The following BMPR1B variants were observed in gnomAD, a reference collection of about 807,000 sequenced individuals.
The protein encoded by BMPR1B is bone morphogenetic protein receptor type-1B.
In BMPR1B, 12 loss-of-function variants were observed where a neutral mutation model predicts 59.1. The observed-to-expected ratio is 0.20, with a 90% CI of 0.13 to 0.33. The LOEUF (loss-of-function observed/expected upper bound fraction) is 0.33, where lower values mean the gene tolerates loss of function less well. Among genes scored for constraint, BMPR1B ranks in the 10% least tolerant of loss-of-function variants. The pLI is 1.00. For missense variants in BMPR1B, 550 were observed against 610.9 expected, an observed-to-expected ratio of 0.90 and a Z score of 1.05; for synonymous variants, 237 against 207.3, an observed-to-expected ratio of 1.14 and a Z score of -1.23.
In BMPR1B at chr4:95,011,551, A is replaced by T. The variant is rs983613422; in HGVS notation, c.-18+15417A>T. 3.3e-5 allele frequency among the ~76,000 whole-genome samples: 5 copies of T among 152,292 alleles called. No homozygotes were observed. The East Asian group carries it at 9.7e-4, about 29-fold the overall frequency. ...AGGCAGCAGGAAAGAAGTGGATGTG[A>T]GTGACAGACATATCCATATACCTCC... On this transcript the variant is annotated intron_variant, in intron 3 of 12. Transcript: ENST00000515059.
intron 2 of BMPR1B, among the ~76,000 whole-genome samples, chr4:94,954,831 A>G (rs1362722150): frequency 1.3e-5 from 2 of 152,182 alleles, no homozygotes; most frequent in African/African-American, 2.4e-5. Flanking sequence ...TGAACACCCA[A>G]TATATATTAG....
rs1336917072 is a variant in BMPR1B, at chr4:94,758,042, A to C, written c.-209A>C. 6.8e-6 allele frequency: 1 copy of C among 147,060 alleles called. No individual in the cohort carries two copies. The highest frequency in any genetic ancestry group is 1.5e-5 in the Non-Finnish European group (1 of 65,976). The allele number at this position is 147,060 out of a possible 1,614,324, so 9.1% of individuals were successfully genotyped here. On this transcript the variant is annotated 5_prime_UTR_variant, in exon 1 of 13. Coordinates refer to ENST00000515059, the MANE Select transcript of BMPR1B (RefSeq NM_001203.3). ...CAGTGCGGAGACCGCGGCGCTGAGG[A>C]CGCGGGAGCCGGGAGCGCAGCCGCG...
At position 95,071,390 on chromosome 4, in the gene BMPR1B, G is replaced by C. The variant is rs1350944566; in HGVS notation, c.-17-33018G>C. 3.3e-5 allele frequency among the ~76,000 whole-genome samples: 5 copies of C among 152,098 alleles called. No homozygotes were observed. In the East Asian group the frequency reaches 9.7e-4, roughly 29 times the overall value. ...ACTAAATTAAAACAAAAATCACTCT[G>C]TCTGATCAGTAATCATCTCTTAGTT... On this transcript the variant is annotated intron_variant, in intron 3 of 12. Coordinates refer to ENST00000515059, the MANE Select transcript of BMPR1B (RefSeq NM_001203.3).
At chr4:94,936,069 G>A (rs988370595) in intron 2 of BMPR1B, among the ~76,000 whole-genome samples, 3 of 152,030 alleles carry the variant, frequency 2.0e-5, no homozygotes, top group Non-Finnish European at 4.4e-5. Flanking sequence ...TTGTATAAAC[G>A]ATAAAGTCAG....
intron 2 of BMPR1B, among the ~76,000 whole-genome samples, chr4:94,978,239 A>G (rs997558609): frequency 6.6e-6 from 1 of 152,234 alleles, no homozygotes; most frequent in African/African-American, 2.4e-5. Flanking sequence ...AAAACTTAGT[A>G]GATTAAAACA....
intron 4 of BMPR1B, among the ~76,000 whole-genome samples, chr4:95,110,168 G>A (rs1731528143): frequency 6.6e-6 from 1 of 151,820 alleles, no homozygotes; most frequent in South Asian, 2.1e-4. Context: ...GATTTATCAG[G>A]CTTGCTATAT....
intron 8 of BMPR1B, among the ~76,000 whole-genome samples, chr4:95,127,394 A>G (rs1197821564): frequency 2.0e-5 from 3 of 152,148 alleles, no homozygotes; most frequent in East Asian, 3.8e-4. Context: ...TCTTTGGGAT[A>G]AGTTGTTCCT....
At chr4:94,798,219 G>A (rs868383315) in intron 1 of BMPR1B, among the ~76,000 whole-genome samples, 2 of 152,164 alleles carry the variant, frequency 1.3e-5, no homozygotes, top group Non-Finnish European at 2.9e-5. Context: ...TATATTATGT[G>A]CTTGGATTCT....
chr4:94,828,290 G>A (rs1367066872), intron 1 of BMPR1B, among the ~76,000 whole-genome samples: 1 of 152,144 alleles, frequency 6.6e-6, no homozygotes, highest in African/African-American at 2.4e-5. Flanking sequence ...AGTGAACAGT[G>A]CCTGATCTGA....
intron 2 of BMPR1B, among the ~76,000 whole-genome samples, chr4:94,935,726 T>C (rs1212393279): frequency 6.6e-6 from 1 of 152,346 alleles, no homozygotes; most frequent in Non-Finnish European, 1.5e-5. Flanking sequence ...CATTCAGTTA[T>C]TGCCAGCCAC....
intron 1 of BMPR1B, among the ~76,000 whole-genome samples, chr4:94,856,613 A>G (rs947516422): frequency 2.0e-5 from 3 of 152,208 alleles, no homozygotes; most frequent in Admixed American, 2.0e-4. Flanking sequence ...AGTCACTGAG[A>G]ACTGGGCTTC....
At chr4:95,052,472 G>T (rs889613772) in intron 3 of BMPR1B, among the ~76,000 whole-genome samples, 1 of 152,186 alleles carries the variant, frequency 6.6e-6, no homozygotes, top group Admixed American at 6.5e-5. Context: ...TGCAAAGAGG[G>T]AGTTATAGAG....
At chr4:95,127,856 T>C (rs1733017925) in intron 8 of BMPR1B, among the ~76,000 whole-genome samples, 1 of 151,540 alleles carries the variant, frequency 6.6e-6, no homozygotes, top group South Asian at 2.1e-4. Flanking sequence ...ATATATAATG[T>C]CCCCCCAAAA....
At chr4:94,932,697 A>G (rs1249022703) in intron 2 of BMPR1B, among the ~76,000 whole-genome samples, 3 of 152,170 alleles carry the variant, frequency 2.0e-5, no homozygotes, top group African/African-American at 4.8e-5. Context: ...GGCATTTTAC[A>G]ACACATCACA....
chr4:94,915,776 A>G (rs908784800), intron 2 of BMPR1B, among the ~76,000 whole-genome samples: 6 of 152,164 alleles, frequency 3.9e-5, no homozygotes, highest in Admixed American at 2.0e-4. Context: ...AAGCTTTAAT[A>G]TAGTTTGGAT....
intron 1 of BMPR1B, among the ~76,000 whole-genome samples, chr4:94,804,148 G>T (rs1161404186): frequency 6.6e-6 from 1 of 152,176 alleles, no homozygotes. Context: ...AAAGTGCTGG[G>T]ATTACAGGCG....
intron 1 of BMPR1B, among the ~76,000 whole-genome samples, chr4:94,822,429 G>A (rs1286469296): frequency 1.3e-5 from 2 of 152,140 alleles, no homozygotes; most frequent in East Asian, 1.9e-4. Context: ...GACATATTTC[G>A]TGATGGTTGG....
At chr4:95,066,734 C>A (rs1404916885) in intron 3 of BMPR1B, among the ~76,000 whole-genome samples, 2 of 152,152 alleles carry the variant, frequency 1.3e-5, no homozygotes, top group Non-Finnish European at 2.9e-5. Flanking sequence ...ATTATTGGGT[C>A]TCAACTAAAA....
intron 11 of BMPR1B, among the ~76,000 whole-genome samples, chr4:95,151,735 C>T (rs577728023): frequency 1.5e-4 from 23 of 152,148 alleles, no homozygotes; most frequent in Admixed American, 3.9e-4. Context: ...GCCAACTTGA[C>T]GGCATCATCT....
Sources: allele counts gnomAD v4.1 joint callset (sites outside exome capture counted in the v4.1 genomes callset), GRCh38; gene constraint gnomAD v4.1.1; transcripts MANE v1.5; gene names NCBI Gene and HGNC (gene_info 2026-07-23, HGNC 2026-07-21).